COL12A1: variants seen among roughly 807,000 people sequenced by gnomAD.
COL12A1 encodes collagen alpha-1(XII) chain.
COL12A1 carries 114 observed loss-of-function variants against 349.7 expected under a neutral mutation model. The observed-to-expected ratio is 0.33, with a 90% confidence interval of 0.28 to 0.38. The LOEUF (loss-of-function observed/expected upper bound fraction) is 0.38, where lower values mean the gene tolerates loss of function less well. Ranked by LOEUF, COL12A1 falls within the 10% of genes least tolerant of loss-of-function variation. COL12A1 has a pLI of 1.00. For synonymous variants in COL12A1, 1,369 were observed against 1,329.0 expected (o/e 1.03, Z -0.66); for missense variants, 3,284 against 3,756.9 (o/e 0.87, Z 3.29).
In COL12A1 at chr6:75,138,568, C is replaced by T. The variant is rs748158560; in HGVS notation, c.5110G>A (p.Gly1704Arg). The T allele has an allele frequency of 1.2e-6, 2 of 1,613,610 alleles. No individual in the cohort carries two copies. The highest frequency in any genetic ancestry group is 3.3e-4 in the Middle Eastern group (2 of 6,060). ...SSDKMETILN[G>R]DENTLVFENL... ...TCGAACACCAAAGTGTTTTCATCTC[C>T]ATTTAAGATGGTCTTGGAGAAAGAG... is the stretch of plus-strand genomic sequence containing the variant. Residue 1704 changes from glycine to arginine, a missense_variant, in exon 29 of 66, where the codon GGA becomes AGA. By Grantham distance (125) the Gly-to-Arg change is moderately radical (BLOSUM62 -2). Around this residue, in one of 2 missense-constraint regions of COL12A1, gnomAD observed 2,601 missense variants for 2,824.8 expected, o/e 0.92. Coordinates refer to ENST00000322507, the MANE Select transcript of COL12A1 (RefSeq NM_004370.6).
Position 75,132,022 on chromosome 6 carries a change from A to C in COL12A1, c.5855T>G (p.Val1952Gly), listed in dbSNP as rs1766324604. The change falls in exon 35 of 66, where the codon GTT becomes GGT. Residue 1952 changes from valine (V) to glycine (G), a missense_variant. By Grantham distance (109) the Val-to-Gly change is moderately radical. Transcript: ENST00000322507. Reference sequence around the variant, plus strand: ...AGGTCCTGGAGCAGGGTCCCAGCGAACATCGAGGCTGTTAGGTGTAGGATT... The same window carrying C: ...AGGTCCTGGAGCAGGGTCCCAGCGACCATCGAGGCTGTTAGGTGTAGGATT... ...VYNPTPNSLD[V>G]RWDPAPGPVL... 1 of 1,614,170 alleles carries C rather than the reference A, an allele frequency of 6.2e-7. No homozygotes were observed. Among genetic ancestry groups the C allele is most frequent in the Non-Finnish European group, 8.5e-7 (1 of 1,179,994 alleles).
At chr6:75,159,574 G>A (rs886109965) in intron 14 of COL12A1, among the ~76,000 whole-genome samples, 3 of 151,332 alleles carry the variant, frequency 2.0e-5, no homozygotes, top group African/African-American at 7.3e-5. Context: ...AGCATTACCA[G>A]TTGTCACAAA....
chr6:75,132,136 C>T, intron 34 of COL12A1, 54 bp from the exon 35 acceptor site: 2 of 1,584,838 alleles, frequency 1.3e-6, no homozygotes, highest in Non-Finnish European at 1.7e-6. Flanking sequence ...ATATCTCAAG[C>T]TTTTGTATCA....
At chr6:75,130,800 C>T in intron 36 of COL12A1, 52 bp downstream of exon 36, 2 of 1,606,480 alleles carry the variant, frequency 1.2e-6, no homozygotes, top group African/African-American at 1.3e-5. Flanking sequence ...TCAGAGAAGC[C>T]CTGCCAATCT....
At chr6:75,106,852 C>T (rs1768571311) in intron 52 of COL12A1, among the ~76,000 whole-genome samples, 1 of 142,322 alleles carries the variant, frequency 7.0e-6, no homozygotes, top group South Asian at 2.3e-4. Flanking sequence ...GAGTTTTGTT[C>T]CACTTGTTTG....
intron 32 of COL12A1, among the ~76,000 whole-genome samples, 155 bp from the exon 33 acceptor site, chr6:75,134,152 G>A (rs140206636): frequency 1.3e-5 from 2 of 152,294 alleles, no homozygotes; most frequent in African/African-American, 2.4e-5. Context: ...CTGTGTCCGC[G>A]TCAGCCTGAT....
chr6:75,131,121 C>A, intron 35 of COL12A1, 140 bp from the exon 36 acceptor site: 2 of 1,092,822 alleles, frequency 1.8e-6, no homozygotes, highest in Non-Finnish European at 2.6e-6. Flanking sequence ...TCCATAAGAT[C>A]CACCCAGACC....
At chr6:75,143,630 A>G (rs1767026635) in intron 25 of COL12A1, among the ~76,000 whole-genome samples, 1 of 152,168 alleles carries the variant, frequency 6.6e-6, no homozygotes. Context: ...TAACTTCTCA[A>G]TTATATATTA....
chr6:75,106,387 G>T, intron 53 of COL12A1, 32 bp downstream of exon 53: 1 of 1,572,832 alleles, frequency 6.4e-7, no homozygotes, highest in Non-Finnish European at 8.7e-7. Flanking sequence ...GACTGTTAAA[G>T]CCATGGCAGA....
At chr6:75,134,129 T>G in intron 32 of COL12A1, 132 bp from the exon 33 acceptor site, 2 of 984,568 alleles carry the variant, frequency 2.0e-6, no homozygotes, top group Non-Finnish European at 3.0e-6. Flanking sequence ...AAGTAGTGAA[T>G]AAACGACACA....
In COL12A1 at chr6:75,089,107, TG is replaced by T; in HGVS notation, c.9008del (p.Pro3003GlnfsTer74). The T allele has an allele frequency of 6.2e-7, 1 of 1,610,308 alleles. No individual in the cohort carries two copies. The highest frequency in any genetic ancestry group is 8.5e-7 in the Non-Finnish European group (1 of 1,178,408). On this transcript the variant is annotated frameshift_variant and splice_region_variant, in exon 64 of 66. Transcript: ENST00000322507. LOFTEE classifies it high-confidence loss of function. Reference sequence around the variant, plus strand: ...TGTTTAAAATACTAGCAAACCTACCTGGGGGGCCAGGCAGCCCCCGAGGTCC... The same window carrying T: ...TGTTTAAAATACTAGCAAACCTACCTGGGGGCCAGGCAGCCCCCGAGGTCC... Reference protein sequence around the residue: ...SSGPRGLPGPPGPQGESRTGP... With the variant: ...SSGPRGLPGPXGPQGESRTGP...
chr6:75,156,865 C>A (rs1355537359), intron 14 of COL12A1, among the ~76,000 whole-genome samples: 1 of 151,982 alleles, frequency 6.6e-6, no homozygotes, highest in Non-Finnish European at 1.5e-5. Flanking sequence ...AGAATTTATC[C>A]AGTAATAATG....
intron 20 of COL12A1, among the ~76,000 whole-genome samples, chr6:75,151,610 G>C (rs1203680479): frequency 6.6e-6 from 1 of 152,034 alleles, no homozygotes; most frequent in African/African-American, 2.4e-5. Flanking sequence ...GGAAAACCAA[G>C]TAGGAGTTTT....
At chr6:75,095,339 C>G (rs1386695874) in intron 59 of COL12A1, among the ~76,000 whole-genome samples, 160 bp from the exon 60 acceptor site, 1 of 152,182 alleles carries the variant, frequency 6.6e-6, no homozygotes, top group East Asian at 1.9e-4. Context: ...GAAATAGGGC[C>G]GGGCGCGGTG....
rs376192452 is a variant in COL12A1 at position 75,130,102 on chromosome 6, T to C, written c.6199A>G (p.Ile2067Val). 3.8e-5 allele frequency: 62 copies of C among 1,613,226 alleles called. No individual in the cohort carries two copies. The highest frequency in any genetic ancestry group is 8.0e-5 in the African/African-American group (6 of 74,850). Reference protein sequence around the residue: ...IIYSPTVGDPIDEYTTVPGRR... With the variant: ...IIYSPTVGDPVDEYTTVPGRR... ...AGTATCAGACTTACATATTCATCAA[T>C]TGGATCACCAACAGTGGGAGAATAG... Residue 2067 changes from isoleucine (I) to valine (V), a missense_variant, in exon 37 of 66, where the codon ATT (isoleucine) becomes GTT (valine). Physicochemically the swap from Ile to Val is conservative, Grantham distance 29. Coordinates refer to ENST00000322507, the MANE Select transcript of COL12A1 (RefSeq NM_004370.6).
chr6:75,111,833 T>C (rs924397187), intron 51 of COL12A1, among the ~76,000 whole-genome samples: 3 of 151,788 alleles, frequency 2.0e-5, no homozygotes, highest in African/African-American at 7.2e-5. Context: ...TTTTTTGTTA[T>C]CACTAATATG....
At chr6:75,177,601 C>G (rs1161358679) in intron 12 of COL12A1, 62 bp downstream of exon 12, 8 of 1,594,536 alleles carry the variant, frequency 5.0e-6, no homozygotes, top group Non-Finnish European at 6.0e-6. Flanking sequence ...GATAGTTGTC[C>G]CAATTTTCCC....
chr6:75,123,487 A>G, intron 42 of COL12A1, 83 bp from the exon 43 acceptor site: 1 of 1,092,068 alleles, frequency 9.2e-7, no homozygotes, highest in South Asian at 1.4e-5. Context: ...AGCAATTTAA[A>G]TCCTGGATAC....
At position 75,146,179 on chromosome 6, in the gene COL12A1, G is replaced by A. The variant is rs1457206904; in HGVS notation, c.4483C>T (p.Gln1495Ter). The A allele has an allele frequency of 6.2e-7, 1 of 1,613,586 alleles. No homozygotes were observed. The highest frequency in any genetic ancestry group is 2.2e-5 in the East Asian group (1 of 44,868). ...VGPTTMHVQW[Q>*]PVGGATGYIL... The stretch of plus-strand genomic sequence containing the variant: ...TAGCCAGTAGCTCCTCCCACAGGCT[G>A]CCACTGCACATGCATGGTGGTAGGG... The change falls in exon 24 of 66, where the codon CAG becomes TAG. Residue 1495 changes from glutamine (Q) to a stop codon, truncating the protein, a stop_gained. Coordinates refer to ENST00000322507, the MANE Select transcript of COL12A1 (RefSeq NM_004370.6). LOFTEE classifies it high-confidence loss of function.
Sources: allele counts gnomAD v4.1 joint callset (sites outside exome capture counted in the v4.1 genomes callset), GRCh38; gene constraint gnomAD v4.1.1; regional missense constraint gnomAD v4.1.1; transcripts MANE v1.5; gene names NCBI Gene and HGNC (gene_info 2026-07-23, HGNC 2026-07-21).